Variants in PAX7 observed in about 807,000 individuals in gnomAD.
PAX7 encodes paired box 7.
A neutral mutation model predicts 50.7 loss-of-function variants in PAX7; 18 were observed. That is an observed-to-expected ratio of 0.36 (90% CI 0.25 to 0.53). The LOEUF (loss-of-function observed/expected upper bound fraction) is 0.53, where lower values mean the gene tolerates loss of function less well. Among genes scored for constraint, PAX7 ranks in the 20% least tolerant of loss-of-function variants. PAX7 has a pLI of 0.93. For synonymous variants in PAX7, 310 were observed against 290.4 expected (o/e 1.07, Z -0.69); for missense variants, 644 against 702.9 (o/e 0.92, Z 0.95).
intron 8 of PAX7, among the ~76,000 whole-genome samples, chr1:18,739,897 T>A (rs1366052134): frequency 6.6e-6 from 1 of 152,174 alleles, no homozygotes; most frequent in Admixed American, 6.5e-5. Flanking sequence ...GTACTAATAA[T>A]GGGGCTGATA....
At chr1:18,674,172 C>T (rs1178138263) in intron 4 of PAX7, among the ~76,000 whole-genome samples, 2 of 152,238 alleles carry the variant, frequency 1.3e-5, no homozygotes, top group Non-Finnish European at 2.9e-5. Flanking sequence ...GCCAGGCCCT[C>T]TTCTGGGCAT....
chr1:18,739,286 C>T (rs1413728884), intron 8 of PAX7, among the ~76,000 whole-genome samples: 1 of 152,206 alleles, frequency 6.6e-6, no homozygotes, highest in Non-Finnish European at 1.5e-5. Flanking sequence ...CACTGAGCAG[C>T]GATACACACC....
At chr1:18,702,296 G>A (rs562681080) in intron 6 of PAX7, among the ~76,000 whole-genome samples, 30 of 152,124 alleles carry the variant, frequency 2.0e-4, no homozygotes, top group African/African-American at 5.5e-4. Flanking sequence ...CCCAGATCGC[G>A]CCACTGCACT....
At chr1:18,686,047 A>G (rs1238862265) in intron 4 of PAX7, among the ~76,000 whole-genome samples, 2 of 152,136 alleles carry the variant, frequency 1.3e-5, no homozygotes, top group Non-Finnish European at 2.9e-5. Context: ...ATTCTGTCCT[A>G]AGGCTCTGCT....
intron 7 of PAX7, among the ~76,000 whole-genome samples, chr1:18,718,724 C>G (rs995617896): frequency 2.6e-5 from 4 of 151,974 alleles, no homozygotes; most frequent in Non-Finnish European, 5.9e-5. Flanking sequence ...CTCACTGCAA[C>G]CTCCGCCTCC....
At chr1:18,737,909 CAT>C (rs1930875889) in intron 8 of PAX7, among the ~76,000 whole-genome samples, 1 of 152,246 alleles carries the variant, frequency 6.6e-6, no homozygotes, top group African/African-American at 2.4e-5. Flanking sequence ...AGTGTGCAAA[CAT>C]GTGACTGTAT....
intron 7 of PAX7, among the ~76,000 whole-genome samples, chr1:18,725,305 C>T (rs1226854273): frequency 2.9e-5 from 1 of 34,874 alleles, no homozygotes; most frequent in Admixed American, 1.8e-4. Context: ...TGGAGACGCC[C>T]CCCCCCCGCC....
At chr1:18,744,174 G>A (rs1336324589) in intron 8 of PAX7, among the ~76,000 whole-genome samples, 2 of 152,134 alleles carry the variant, frequency 1.3e-5, no homozygotes, top group African/African-American at 4.8e-5. Flanking sequence ...TGTAAGCTGG[G>A]CACAGATAGA....
chr1:18,653,287 T>G (rs1276085619), intron 4 of PAX7, among the ~76,000 whole-genome samples: 2 of 152,172 alleles, frequency 1.3e-5, no homozygotes, highest in African/African-American at 4.8e-5. Flanking sequence ...CAGTCAGCCT[T>G]GGGAATTAGT....
intron 4 of PAX7, among the ~76,000 whole-genome samples, chr1:18,683,582 G>A (rs2088929690): frequency 6.6e-6 from 1 of 152,208 alleles, no homozygotes; most frequent in South Asian, 2.1e-4. Flanking sequence ...GCTCATGCCT[G>A]TAATCCCAGC....
Position 18,672,602 on chromosome 1 carries a change from T to TTG in PAX7, c.587-19151_587-19150insGT, listed in dbSNP as rs2088767449. Among the ~76,000 whole-genome samples the TTG allele has an allele frequency of 4.1e-5, 6 of 147,130 alleles. No homozygotes were observed. In the South Asian group the frequency reaches 6.6e-4, roughly 16 times the overall value. ...CTAGACTGGAGAGCACTGTGTTTTT[T>TTG]TTTTTTTTTTTTTTTGTGAGACTAA... On this transcript the variant is annotated intron_variant, in intron 4 of 8. Transcript: ENST00000420770.
chr1:18,743,502 G>A (rs113705952), intron 8 of PAX7, among the ~76,000 whole-genome samples: 2,396 of 152,372 alleles, frequency 0.016, 53 homozygotes, highest in African/African-American at 0.052. Context: ...GACAGAACAA[G>A]TGTTGAACCA....
chr1:18,639,433 A>T (rs535912803), intron 4 of PAX7, among the ~76,000 whole-genome samples: 4 of 148,744 alleles, frequency 2.7e-5, no homozygotes, highest in African/African-American at 7.5e-5. Flanking sequence ...AGACTGAGTT[A>T]TTAGGATTGT....
intron 7 of PAX7, among the ~76,000 whole-genome samples, chr1:18,710,107 G>A (rs977777637): frequency 4.6e-5 from 7 of 152,206 alleles, no homozygotes; most frequent in Non-Finnish European, 7.3e-5. Context: ...CCTACTGGAC[G>A]CCAGATCCCA....
At chr1:18,685,746 T>G (rs2088964941) in intron 4 of PAX7, among the ~76,000 whole-genome samples, 1 of 152,202 alleles carries the variant, frequency 6.6e-6, no homozygotes, top group Non-Finnish European at 1.5e-5. Context: ...AGGCCCATAG[T>G]GGTTGAGGCC....
At chr1:18,690,061 A>G (rs2089044669) in intron 4 of PAX7, among the ~76,000 whole-genome samples, 1 of 152,194 alleles carries the variant, frequency 6.6e-6, no homozygotes, top group Non-Finnish European at 1.5e-5. Flanking sequence ...ATGCGAGCAC[A>G]AGGTCTCCCA....
chr1:18,696,001 C>G (rs534245369), intron 5 of PAX7, among the ~76,000 whole-genome samples: 39 of 151,896 alleles, frequency 2.6e-4, no homozygotes, highest in Non-Finnish European at 5.6e-4. Flanking sequence ...CAGAGATTCA[C>G]TAATTAACAA....
rs2089566537 is a variant in PAX7 at position 18,726,055 on chromosome 1, C to A, written c.1156-9577C>A. 6.6e-6 allele frequency among the ~76,000 whole-genome samples: 1 copy of A among 151,218 alleles called. No individual in the cohort carries two copies. The highest frequency in any genetic ancestry group is 2.1e-4 in the South Asian group (1 of 4,810). On this transcript the variant is annotated intron_variant, in intron 7 of 8. Transcript: ENST00000420770. The surrounding 1 kb of genome is among the most constrained non-coding windows in gnomAD (Gnocchi z 4.8). The stretch of plus-strand genomic sequence containing the variant: ...TTGTGTGTGTGTGTGTCTTTGACTT[C>A]TTGGACAATAAGTGGAATGCCATTC...
chr1:18,651,784 G>A lies in PAX7; in HGVS notation c.586+15413G>A, dbSNP rs970338594. 4.1e-5 allele frequency among the ~76,000 whole-genome samples: 6 copies of A among 147,252 alleles called. No individual in the cohort carries two copies. The East Asian group carries it at 1.2e-3, about 29-fold the overall frequency. On this transcript the variant is annotated intron_variant, in intron 4 of 8. Coordinates refer to ENST00000420770, the MANE Select transcript of PAX7 (RefSeq NM_001135254.2). ...GTCCCTCCCCAACACCCTCCCTCCA[G>A]GCTTCACAGTGCCACCCCTCCCCCT... is the stretch of plus-strand genomic sequence containing the variant.
Sources: allele counts gnomAD v4.1 joint callset (sites outside exome capture counted in the v4.1 genomes callset), GRCh38; gene constraint gnomAD v4.1.1; non-coding constraint Gnocchi (gnomAD v3.1); transcripts MANE v1.5; gene names NCBI Gene and HGNC (gene_info 2026-07-23, HGNC 2026-07-21).